Variants in TJP3 observed in about 807,000 individuals in gnomAD.
TJP3 encodes tight junction protein ZO-3.
Under a neutral mutation model 104.2 loss-of-function variants are expected in TJP3, and 85 were observed. That is an observed-to-expected ratio of 0.82 (90% confidence interval 0.68 to 0.98). The LOEUF is 0.98. Ranked by LOEUF, TJP3 falls within the 50% of genes least tolerant of loss-of-function variation. TJP3 has a pLI of 0.00. For synonymous variants in TJP3, 550 were observed against 550.6 expected, an observed-to-expected ratio of 1.00 and a Z score of 0.02; for missense variants, 1,367 against 1,322.8, an observed-to-expected ratio of 1.03 and a Z score of -0.52.
At chr19:3,737,326 C>T (rs1207866063) in intron 11 of TJP3, among the ~76,000 whole-genome samples, 1 of 152,094 alleles carries the variant, frequency 6.6e-6, no homozygotes, top group East Asian at 1.9e-4. Context: ...GGGTCGCAAT[C>T]CTCTTGTTCC....
intron 1 of TJP3, among the ~76,000 whole-genome samples, chr19:3,718,203 A>C (rs1272901805): frequency 3.6e-5 from 5 of 139,138 alleles, no homozygotes; most frequent in Admixed American, 2.2e-4. Flanking sequence ...AAAAAAAAAA[A>C]AAAAAAAAAG....
At chr19:3,712,397 G>A (rs2036441857) in intron 1 of TJP3, among the ~76,000 whole-genome samples, 1 of 152,202 alleles carries the variant, frequency 6.6e-6, no homozygotes, top group Admixed American at 6.6e-5. Flanking sequence ...CTAGCCCTGG[G>A]ACACTGTAAT....
chr19:3,738,589 A>T lies in TJP3; in HGVS notation c.1319A>T (p.Glu440Val), dbSNP rs1489669827. 11 of 1,613,682 alleles carry T rather than the reference A, an allele frequency of 6.8e-6. No individual in the cohort carries two copies. Among genetic ancestry groups the T allele is most frequent in the African/African-American group, 1.3e-5 (1 of 74,908 alleles). Residue 440 changes from glutamate to valine, a missense_variant, in exon 12 of 21, where the codon GAG becomes GTG. By Grantham distance (121) the Glu-to-Val change is moderately radical. Coordinates refer to ENST00000541714, the MANE Select transcript of TJP3 (RefSeq NM_001267560.2). The stretch of plus-strand genomic sequence containing the variant: ...GTGCCATTCCAGAACCTGACACGGG[A>T]GGAGGCAGTGCAGTTCCTGCTGGGG... ...NDVPFQNLTR[E>V]EAVQFLLGLP...
chr19:3,733,636 GT>G lies in TJP3; in HGVS notation c.718-112del, dbSNP rs1355844482. The G allele has an allele frequency of 2.1e-6, 3 of 1,456,878 alleles. No individual in the cohort carries two copies. The Admixed American group carries it at 5.6e-5, about 27-fold the overall frequency. 90.2% of individuals were successfully genotyped at this position (1,456,878 alleles called of 1,614,324 possible). The stretch of plus-strand genomic sequence containing the variant: ...TCAACACTTTCCTTAGGGAGTGGCT[GT>G]TTTTAGCAACCTCTGGGGGAATTGT... On this transcript the variant is annotated intron_variant, in intron 6 of 20. Coordinates refer to ENST00000541714, the MANE Select transcript of TJP3 (RefSeq NM_001267560.2).
At position 3,746,903 on chromosome 19, in the gene TJP3, G is replaced by C; in HGVS notation, c.2322+27G>C. On this transcript the variant is annotated intron_variant, in intron 18 of 20. Transcript: ENST00000541714. The surrounding 1 kb of genome is among the most constrained non-coding windows in gnomAD (Gnocchi z 4.1). ...TACTGCCGCGGTGTGGGTGGGTCGG[G>C]CAGGGAGGCCCCACAGACGCTGTGC... is the stretch of plus-strand genomic sequence containing the variant. The C allele has an allele frequency of 2.7e-6, 4 of 1,459,030 alleles. No individual in the cohort carries two copies. Among genetic ancestry groups the C allele is most frequent in the Non-Finnish European group, 2.8e-6 (3 of 1,058,600 alleles). The allele number at this position is 1,459,030 out of a possible 1,614,324, so 90.4% of individuals were successfully genotyped here.
chr19:3,740,913 G>A, intron 14 of TJP3, 150 bp downstream of exon 14: 3 of 675,730 alleles, frequency 4.4e-6, no homozygotes, highest in Non-Finnish European at 6.5e-6. Context: ...GGCCGAGGTA[G>A]GAGGATCGCT....
intron 11 of TJP3, 79 bp from the exon 12 acceptor site, chr19:3,738,475 GC>G: frequency 1.6e-6 from 2 of 1,281,140 alleles, no homozygotes; most frequent in South Asian, 2.7e-5. Context: ...GCTGAGTTTT[GC>G]CCAGAGGAAG....
intron 1 of TJP3, among the ~76,000 whole-genome samples, chr19:3,722,360 G>A (rs2036549734): frequency 6.6e-6 from 1 of 152,114 alleles, no homozygotes; most frequent in South Asian, 2.1e-4. Context: ...CTTTGCTGGG[G>A]GCGTGCAGCC....
intron 1 of TJP3, among the ~76,000 whole-genome samples, chr19:3,727,865 T>C (rs1018677973): frequency 2.7e-5 from 4 of 150,386 alleles, no homozygotes; most frequent in Admixed American, 6.6e-5. Context: ...TCACTTGAAC[T>C]TGGGAGGCAG....
At chr19:3,743,177 C>T (rs1715090) in intron 14 of TJP3, among the ~76,000 whole-genome samples, 70,029 of 151,676 alleles carry the variant, frequency 0.46, 16,652 homozygotes, top group South Asian at 0.59. Flanking sequence ...GGCAGGAGAA[C>T]TGCATGAACC....
intron 14 of TJP3, 126 bp downstream of exon 14, chr19:3,740,889 C>T: frequency 1.1e-6 from 1 of 916,250 alleles, no homozygotes. Context: ...GCCTATAATC[C>T]CAACACTTTG....
chr19:3,720,614 C>G (rs978811742), intron 1 of TJP3, among the ~76,000 whole-genome samples: 1 of 151,654 alleles, frequency 6.6e-6, no homozygotes, highest in Non-Finnish European at 1.5e-5. Flanking sequence ...CACAGCTGGG[C>G]GCAGGTTTTT....
intron 1 of TJP3, among the ~76,000 whole-genome samples, chr19:3,711,748 A>G (rs57503524): frequency 3.4e-4 from 44 of 128,116 alleles, no homozygotes; most frequent in Admixed American, 4.2e-4. Context: ...AAAAAAAAAA[A>G]AAAGGTGCTT....
intron 20 of TJP3, 131 bp from the exon 21 acceptor site, chr19:3,750,451 C>T (rs2036977835): frequency 1.2e-5 from 10 of 833,926 alleles, no homozygotes; most frequent in Non-Finnish European, 1.7e-5. Context: ...TAACAAGGCC[C>T]TACCCATGAA....
Position 3,749,062 on chromosome 19 carries a change from G to A in TJP3, c.2610+981G>A, listed in dbSNP as rs184708477. Among the ~76,000 whole-genome samples the A allele has an allele frequency of 1.9e-3, 283 of 151,204 alleles. 1 individual carries two copies. Among genetic ancestry groups the A allele is most frequent in the Non-Finnish European group, 1.7e-3 (113 of 67,834 alleles). Reference sequence around the variant, plus strand: ...TTTTAAGGTATTCTTAGTAGAGACAGGGTTTCACCACGCTGGCCAGGCTGG... The same window carrying A: ...TTTTAAGGTATTCTTAGTAGAGACAAGGTTTCACCACGCTGGCCAGGCTGG... On this transcript the variant is annotated intron_variant, in intron 19 of 20. Coordinates refer to ENST00000541714, the MANE Select transcript of TJP3 (RefSeq NM_001267560.2).
rs1017257477 is a variant in TJP3 at position 3,728,695 on chromosome 19, C to T, written c.140C>T (p.Pro47Leu). The T allele has an allele frequency of 1.2e-5, 19 of 1,613,440 alleles. No homozygotes were observed. The highest frequency in any genetic ancestry group is 2.2e-5 in the South Asian group (2 of 90,862). The change falls in exon 3 of 21, where the codon CCG (proline) becomes CTG (leucine). Residue 47 changes from proline to leucine, a missense_variant. Transcript: ENST00000541714. ...GTATCTGACGTGGTACCTGGAGGGC[C>T]GGCGGAGGGCAGGCTACAGTGAGTA... Reference protein sequence around the residue: ...MVVSDVVPGGPAEGRLQTGDH... With the variant: ...MVVSDVVPGGLAEGRLQTGDH...
At chr19:3,742,437 A>T (rs1467692975) in intron 14 of TJP3, among the ~76,000 whole-genome samples, 1 of 151,724 alleles carries the variant, frequency 6.6e-6, no homozygotes, top group Non-Finnish European at 1.5e-5. Flanking sequence ...TGGGGGGAAA[A>T]ATGCCTCATC....
intron 14 of TJP3, 121 bp from the exon 15 acceptor site, chr19:3,743,818 A>G: frequency 1.2e-6 from 1 of 838,152 alleles, no homozygotes; most frequent in African/African-American, 1.7e-5. Flanking sequence ...TTGGCTGGGT[A>G]GCTATGGTCC....
intron 1 of TJP3, among the ~76,000 whole-genome samples, chr19:3,723,514 G>A (rs564780317): frequency 1.5e-4 from 23 of 152,230 alleles, no homozygotes; most frequent in Admixed American, 3.9e-4. Context: ...AAAACAGGCT[G>A]GGCGTGGTGG....
Sources: allele counts gnomAD v4.1 joint callset (sites outside exome capture counted in the v4.1 genomes callset), GRCh38; gene constraint gnomAD v4.1.1; non-coding constraint Gnocchi (gnomAD v3.1); transcripts MANE v1.5; gene names NCBI Gene and HGNC (gene_info 2026-07-23, HGNC 2026-07-21).